Variants in JAK2 observed in about 807,000 individuals in gnomAD.
JAK2 encodes the protein Janus kinase 2, also known as tyrosine-protein kinase JAK2.
A neutral mutation model predicts 139.3 loss-of-function variants in JAK2; 86 were observed. The observed-to-expected ratio is 0.62, with a 90% CI of 0.52 to 0.74. The LOEUF is 0.74. Ranked by LOEUF, JAK2 falls within the 30% of genes least tolerant of loss-of-function variation. JAK2 has a pLI of 0.00. For synonymous variants in JAK2, 490 were observed against 437.7 expected (o/e 1.12, Z -1.49); for missense variants, 1,421 against 1,360.3 (o/e 1.04, Z -0.70).
At chr9:5,044,071 T>A (rs142654345) in intron 4 of JAK2, among the ~76,000 whole-genome samples, 128 of 152,370 alleles carry the variant, frequency 8.4e-4, no homozygotes, top group African/African-American at 2.8e-3. Flanking sequence ...TATACCAAAT[T>A]AGCATTTTCA....
intron 3 of JAK2, among the ~76,000 whole-genome samples, chr9:5,027,123 G>C (rs958465200): frequency 2.2e-4 from 33 of 152,178 alleles, no homozygotes; most frequent in Non-Finnish European, 3.7e-4. Flanking sequence ...CCTTTCTATA[G>C]AGGACAACTG....
At chr9:5,049,530 A>G (rs1260368832) in intron 5 of JAK2, among the ~76,000 whole-genome samples, 2 of 152,196 alleles carry the variant, frequency 1.3e-5, no homozygotes, top group African/African-American at 4.8e-5. Flanking sequence ...TGATTACTCC[A>G]GCTGAATATA....
chr9:5,050,622 T>C (rs952636455), intron 5 of JAK2, 64 bp from the exon 6 acceptor site: 2 of 1,452,660 alleles, frequency 1.4e-6, no homozygotes, highest in Non-Finnish European at 1.9e-6. Flanking sequence ...TAAAATATAA[T>C]CATAGATTAA....
intron 22 of JAK2, among the ~76,000 whole-genome samples, chr9:5,117,020 G>A (rs1304295161): frequency 6.6e-6 from 1 of 152,182 alleles, no homozygotes; most frequent in African/African-American, 2.4e-5. Context: ...GCCCTTATAA[G>A]AGGCTTCATG....
At chr9:5,042,515 A>T (rs1048838242) in intron 4 of JAK2, among the ~76,000 whole-genome samples, 2 of 152,168 alleles carry the variant, frequency 1.3e-5, no homozygotes, top group South Asian at 2.1e-4. Flanking sequence ...GGAATAAAGG[A>T]AAAAAAAGAA....
Position 5,126,830 on chromosome 9 carries a change from A to C in JAK2, c.*39A>C. On this transcript the variant is annotated 3_prime_UTR_variant, in exon 25 of 25. Transcript: ENST00000381652. ...CATTCTGAGACCAAAGTAGATTTAC[A>C]GAACAAAGTTTTATATTTCACATTG... The C allele has an allele frequency of 1.6e-6, 2 of 1,283,844 alleles. No homozygotes were observed. Among genetic ancestry groups the C allele is most frequent in the Non-Finnish European group, 2.2e-6 (2 of 891,672 alleles). The allele number at this position is 1,283,844 out of a possible 1,614,324, so 79.5% of individuals were successfully genotyped here.
intron 4 of JAK2, chr9:5,041,776 A>C: frequency 2.0e-6 from 1 of 488,220 alleles, no homozygotes. Flanking sequence ...CTGCCCTCCC[A>C]GCCTCAGCTT....
Position 5,029,891 on chromosome 9 carries a change from T to C in JAK2, c.335T>C (p.Val112Ala). 1 of 1,608,548 alleles carries C rather than the reference T, an allele frequency of 6.2e-7. No homozygotes were observed. The highest frequency in any genetic ancestry group is 8.5e-7 in the Non-Finnish European group (1 of 1,178,024). The change falls in exon 4 of 25, where the codon GTA becomes GCA. Residue 112 changes from valine (V) to alanine (A), a missense_variant. Val to Ala is a moderately conservative substitution (Grantham distance 64). Transcript: ENST00000381652. The part of the protein sequence containing the change: ...FHIDESTRHN[V>A]LYRIRFYFPR... Reference sequence around the variant, plus strand: ...ATAGATGAGTCAACCAGGCATAATGTACTCTACAGAATAAGGTACTTTCTT... The same window carrying C: ...ATAGATGAGTCAACCAGGCATAATGCACTCTACAGAATAAGGTACTTTCTT...
At chr9:5,017,468 T>A (rs1254328053) in intron 2 of JAK2, among the ~76,000 whole-genome samples, 1 of 152,256 alleles carries the variant, frequency 6.6e-6, no homozygotes, top group Admixed American at 6.5e-5. Flanking sequence ...TCCATCATTT[T>A]TATAGTTTCT....
rs545808086 is a variant in JAK2, at chr9:5,129,328, C to T, written c.*2537C>T. 8.5e-5 allele frequency among the ~76,000 whole-genome samples: 13 copies of T among 152,102 alleles called. No homozygotes were observed. The highest frequency in any genetic ancestry group is 2.4e-4 in the African/African-American group (10 of 41,518). Reference sequence around the variant, plus strand: ...TTGCATTTTTACCTAACCAAGGAAACGGGCCACACACCTTGGTTTAGGGAT... The same window carrying T: ...TTGCATTTTTACCTAACCAAGGAAATGGGCCACACACCTTGGTTTAGGGAT... On this transcript the variant is annotated 3_prime_UTR_variant, in exon 25 of 25. Transcript: ENST00000381652.
chr9:4,989,250 T>C (rs1032623838), intron 2 of JAK2, among the ~76,000 whole-genome samples: 1 of 152,220 alleles, frequency 6.6e-6, no homozygotes, highest in African/African-American at 2.4e-5. Flanking sequence ...TAATAAGCTA[T>C]GCTTCTTCTA....
At chr9:5,087,963 G>A (rs1242830660) in intron 19 of JAK2, among the ~76,000 whole-genome samples, 1 of 152,132 alleles carries the variant, frequency 6.6e-6, no homozygotes, top group African/African-American at 2.4e-5. Flanking sequence ...TAATTTCAAG[G>A]AATATATAGT....
chr9:5,086,159 G>A (rs1296887215), intron 19 of JAK2: 2 of 355,586 alleles, frequency 5.6e-6, no homozygotes, highest in Non-Finnish European at 8.9e-6. Flanking sequence ...CTCGGGGAGC[G>A]GTCTCCACGC....
At chr9:5,104,344 C>A (rs1241256788) in intron 22 of JAK2, among the ~76,000 whole-genome samples, 1 of 152,142 alleles carries the variant, frequency 6.6e-6, no homozygotes, top group Non-Finnish European at 1.5e-5. Context: ...GACACATACA[C>A]CCTCCCAAGA....
chr9:5,103,114 T>C (rs370040044), intron 22 of JAK2, among the ~76,000 whole-genome samples: 2 of 148,198 alleles, frequency 1.3e-5, no homozygotes, highest in South Asian at 2.1e-4. Context: ...TGGATAAAGA[T>C]TGAAGACCCA....
At chr9:5,099,100 C>T (rs910052100) in intron 22 of JAK2, 3 of 152,178 alleles carry the variant, frequency 2.0e-5, no homozygotes, top group Admixed American at 2.0e-4. Context: ...AATACCCATC[C>T]ATATATTAAT....
rs1824221483 is a variant in JAK2, at chr9:5,129,751, T to C, written c.*2960T>C. ...GCGTTTCATAATTCTCACAGTGATA[T>C]TAGATTTCAAAATGACACTGAGAGA... On this transcript the variant is annotated 3_prime_UTR_variant, in exon 25 of 25. Transcript: ENST00000381652. 6.6e-6 allele frequency among the ~76,000 whole-genome samples: 1 copy of C among 152,160 alleles called. No homozygotes were observed. The highest frequency in any genetic ancestry group is 2.4e-5 in the African/African-American group (1 of 41,462).
rs369951684 is a variant in JAK2 at position 5,089,814 on chromosome 9, C to A, written c.2712C>A (p.Ser904=). 2.8e-5 allele frequency: 45 copies of A among 1,593,064 alleles called. No homozygotes were observed. In the African/African-American group the frequency reaches 5.6e-4, roughly 20 times the overall value. Reference sequence around the variant, plus strand: ...AAAGGGAAATTGAAATCCTGAAATCCCTACAGCATGACAACATTGTAAAGT... The same window carrying A: ...AAAGGGAAATTGAAATCCTGAAATCACTACAGCATGACAACATTGTAAAGT... ...DFEREIEILK[S]LQHDNIVKYK... The change falls in exon 20 of 25, where the codon TCC becomes TCA. Residue 904 remains serine (S), a synonymous_variant. Transcript: ENST00000381652.
At chr9:5,069,765 A>G (rs985734467) in intron 11 of JAK2, among the ~76,000 whole-genome samples, 160 bp from the exon 12 acceptor site, 1 of 152,182 alleles carries the variant, frequency 6.6e-6, no homozygotes, top group Non-Finnish European at 1.5e-5. Context: ...TCAAAGTTCA[A>G]TGAGTTGACC....
Sources: gnomAD v4.1 joint callset for allele counts (sites outside exome capture counted in the v4.1 genomes callset) on GRCh38, gnomAD v4.1.1 for gene constraint, MANE v1.5 for transcripts, NCBI Gene and HGNC (gene_info 2026-07-23, HGNC 2026-07-21) for gene names.